The following SLC6A9 variants were observed in gnomAD, a reference collection of about 807,000 sequenced individuals.
SLC6A9 encodes the protein solute carrier family 6 member 9.
A neutral mutation model predicts 70.9 loss-of-function variants in SLC6A9; 31 were observed. The ratio of observed to expected loss-of-function variants is 0.44; its 90% CI spans 0.33 to 0.59. SLC6A9 has a LOEUF of 0.59. SLC6A9 is among the 20% of genes least tolerant of loss of function. The pLI, the probability that SLC6A9 is intolerant of heterozygous loss-of-function variation, is 0.04. For synonymous variants in SLC6A9, 310 were observed against 341.3 expected, an observed-to-expected ratio of 0.91 and a Z score of 1.01; for missense variants, 631 against 845.2, an observed-to-expected ratio of 0.75 and a Z score of 3.14.
At chr1:44,014,420 C>CA in intron 2 of SLC6A9, among the ~76,000 whole-genome samples, 1 of 151,892 alleles carries the variant, frequency 6.6e-6, no homozygotes, top group Non-Finnish European at 1.5e-5. Flanking sequence ...CCTTCCATGG[C>CA]GGGGTGGGGT....
In SLC6A9 at chr1:44,008,636, A is replaced by T; in HGVS notation, c.320-13T>A. 1 of 1,608,114 alleles carries T rather than the reference A, an allele frequency of 6.2e-7. No individual in the cohort carries two copies. The highest frequency in any genetic ancestry group is 8.5e-7 in the Non-Finnish European group (1 of 1,175,784). ...CCATAGCCCACTCCTGCAGGAGGGG[A>T]GGGGTGGGGGGAGGAGCCTCAGCAT... On this transcript the variant is annotated splice_polypyrimidine_tract_variant and intron_variant, in intron 4 of 13. Transcript: ENST00000372310.
intron 1 of SLC6A9, among the ~76,000 whole-genome samples, chr1:44,026,973 A>G (rs1223685893): frequency 6.6e-6 from 1 of 152,200 alleles, no homozygotes; most frequent in African/African-American, 2.4e-5. Flanking sequence ...GAGGGAAAAG[A>G]CTGCTTCATG....
In SLC6A9 at chr1:44,002,697, C is replaced by T. The variant is rs1186132721; in HGVS notation, c.724-51G>A. The T allele has an allele frequency of 6.8e-6, 11 of 1,609,200 alleles. No homozygotes were observed. The South Asian group carries it at 7.7e-5, about 11-fold the overall frequency. On this transcript the variant is annotated intron_variant, in intron 6 of 13. Transcript: ENST00000372310. The surrounding 1 kb of genome is among the most constrained non-coding windows in gnomAD (Gnocchi z 5.5). ...CTTCTGGGCTCTCCCCTCCCCTGGG[C>T]ACCACCACCCTGGCTCCCTAATCAC...
At position 44,002,333 on chromosome 1, in the gene SLC6A9, CTTG is replaced by C. The variant is rs752642344; in HGVS notation, c.939_941del (p.Asn313del). Reference sequence around the variant, plus strand: ...CTCACCGGTAACAGTTATTGTGGAACTTGTTGTAGGAAGCCATGGTGATGAGGC... The same window carrying C: ...CTCACCGGTAACAGTTATTGTGGAACTTGTAGGAAGCCATGGTGATGAGGC... On this transcript the variant is annotated inframe_deletion, in exon 8 of 14. Transcript: ENST00000372310. This position sits in a 1 kb window ranked among gnomAD's most constrained non-coding sequence, Gnocchi z 5.5. 6.2e-7 allele frequency: 1 copy of C among 1,613,654 alleles called. No homozygotes were observed. The highest frequency in any genetic ancestry group is 8.5e-7 in the Non-Finnish European group (1 of 1,179,570).
At position 43,997,605 on chromosome 1, in the gene SLC6A9, C is replaced by CT. The variant is rs2085914637; in HGVS notation, c.1841dup (p.Ala615GlyfsTer9). 2 of 1,613,874 alleles carry CT rather than the reference C, an allele frequency of 1.2e-6. No individual in the cohort carries two copies. The highest frequency in any genetic ancestry group is 1.7e-5 in the Admixed American group (1 of 59,998). On this transcript the variant is annotated frameshift_variant, in exon 14 of 14. Coordinates refer to ENST00000372310, the MANE Select transcript of SLC6A9 (RefSeq NM_001024845.3). LOFTEE classifies it high-confidence loss of function. This position sits in a 1 kb window ranked among gnomAD's most constrained non-coding sequence, Gnocchi z 4.4. ...TACTGCCCACAATGGGGATCTGCGC[C>CT]TTGTCCGGGTGCAGTGGCTGGACCT...
chr1:44,008,367 G>A lies in SLC6A9; in HGVS notation c.576C>T (p.Ser192=), dbSNP rs758754842. The A allele has an allele frequency of 8.1e-6, 13 of 1,613,956 alleles. No homozygotes were observed. The highest frequency in any genetic ancestry group is 3.3e-5 in the Admixed American group (2 of 60,010). ...AGGTGCCTCACCTCCAGTACTCCTC[G>A]CTGGGGCTGGTCCTCTGGAGGCTGT... is the stretch of plus-strand genomic sequence containing the variant. ...LNHSLQRTSP[S]EEYWRLYVLK... The change falls in exon 5 of 14, where the codon AGC becomes AGT. Residue 192 remains serine (S), a synonymous_variant. Coordinates refer to ENST00000372310, the MANE Select transcript of SLC6A9 (RefSeq NM_001024845.3).
intron 5 of SLC6A9, among the ~76,000 whole-genome samples, chr1:44,007,924 T>C (rs1291305027): frequency 1.3e-5 from 2 of 148,524 alleles, no homozygotes; most frequent in African/African-American, 5.0e-5. Context: ...GGAGTCTTGC[T>C]CTGTCGCCCA....
intron 2 of SLC6A9, among the ~76,000 whole-genome samples, chr1:44,021,167 C>T (rs913749819): frequency 5.9e-5 from 9 of 152,168 alleles, no homozygotes; most frequent in East Asian, 1.9e-4. Flanking sequence ...ACCTAGGTGG[C>T]CCTGCTCCGC....
chr1:44,002,797 G>A lies in SLC6A9; in HGVS notation c.723+56C>T. ...TCCCTGCAATACACACATAACCCAG[G>A]TAGGGGGCAGGGTCTTTCTGGGTGG... On this transcript the variant is annotated intron_variant, in intron 6 of 13. Coordinates refer to ENST00000372310, the MANE Select transcript of SLC6A9 (RefSeq NM_001024845.3). The surrounding 1 kb of genome is among the most constrained non-coding windows in gnomAD (Gnocchi z 5.5). 2 of 1,608,412 alleles carry A rather than the reference G, an allele frequency of 1.2e-6. No homozygotes were observed. The highest frequency in any genetic ancestry group is 8.5e-7 in the Non-Finnish European group (1 of 1,175,630).
intron 1 of SLC6A9, among the ~76,000 whole-genome samples, chr1:44,028,553 C>T (rs1048016110): frequency 4.6e-5 from 7 of 152,040 alleles, no homozygotes; most frequent in Non-Finnish European, 1.0e-4. Context: ...GTCAGGAGTC[C>T]GAGACCAGCC....
chr1:44,000,592 C>T (rs1029128536), intron 12 of SLC6A9, among the ~76,000 whole-genome samples, 175 bp downstream of exon 12: 33 of 152,238 alleles, frequency 2.2e-4, no homozygotes, highest in African/African-American at 6.8e-4. Context: ...AGCTCTGAGT[C>T]GCCACACGCC....
At chr1:44,021,662 C>G (rs1037035105) in intron 2 of SLC6A9, among the ~76,000 whole-genome samples, 1 of 152,382 alleles carries the variant, frequency 6.6e-6, no homozygotes, top group South Asian at 2.1e-4. Flanking sequence ...GGCTCACACA[C>G]ACGCCCCTTA....
rs1011547780 is a variant in SLC6A9 at position 44,010,280 on chromosome 1, G to A, written c.188-184C>T. 11 of 589,530 alleles carry A rather than the reference G, an allele frequency of 1.9e-5. No homozygotes were observed. The Admixed American group carries it at 3.4e-4, about 18-fold the overall frequency. 36.5% of individuals were successfully genotyped at this position (589,530 alleles called of 1,614,324 possible). On this transcript the variant is annotated intron_variant, in intron 3 of 13. Transcript: ENST00000372310. ...CCAGCCTGTCTTTCAACTTGACAGA[G>A]GCTCTCAGGAATTCTGCTTGGAGTG...
chr1:44,029,762 T>C (rs1028914978), intron 1 of SLC6A9, among the ~76,000 whole-genome samples: 2 of 152,184 alleles, frequency 1.3e-5, no homozygotes, highest in Admixed American at 6.5e-5. Flanking sequence ...AGTCGCCGCA[T>C]AGGCCAAGTA....
chr1:44,001,537 G>A lies in SLC6A9; in HGVS notation c.1053C>T (p.His351=). 6.2e-7 allele frequency: 1 copy of A among 1,614,252 alleles called. No individual in the cohort carries two copies. The highest frequency in any genetic ancestry group is 8.5e-7 in the Non-Finnish European group (1 of 1,180,036). Residue 351 remains histidine (H), a synonymous_variant, in exon 9 of 14, where the codon CAC becomes CAT. Coordinates refer to ENST00000372310, the MANE Select transcript of SLC6A9 (RefSeq NM_001024845.3). ...IFSILGFMAN[H]LGVDVSRVAD... ...CCACACGGGACACATCCACGCCCAG[G>A]TGATTGGCCATGAAGCCGAGGATGG... is the stretch of plus-strand genomic sequence containing the variant.
At chr1:44,015,894 C>T (rs2086724718) in intron 2 of SLC6A9, 1 of 985,186 alleles carries the variant, frequency 1.0e-6, no homozygotes. Flanking sequence ...CCCCAGTGGC[C>T]ATTCATGCCT....
At chr1:44,012,592 TG>T (rs2086609945) in intron 2 of SLC6A9, among the ~76,000 whole-genome samples, 1 of 152,186 alleles carries the variant, frequency 6.6e-6, no homozygotes, top group African/African-American at 2.4e-5. Context: ...TGCCAGGAAG[TG>T]GGACTTCAGC....
chr1:44,024,054 G>A (rs2086936403), intron 2 of SLC6A9, among the ~76,000 whole-genome samples, 194 bp downstream of exon 2: 1 of 152,168 alleles, frequency 6.6e-6, no homozygotes, highest in Non-Finnish European at 1.5e-5. Flanking sequence ...AGGTCTTTGC[G>A]GGCTCTGCGG....
chr1:44,002,729 C>A lies in SLC6A9; in HGVS notation c.724-83G>T. On this transcript the variant is annotated intron_variant, in intron 6 of 13. Transcript: ENST00000372310. The surrounding 1 kb of genome is among the most constrained non-coding windows in gnomAD (Gnocchi z 5.5). ...ACCCTGGCTCCCTAATCACCACCAG[C>A]CCCCTGGTCCCTCTCCGGCTCCGGA... 1 of 1,590,112 alleles carries A rather than the reference C, an allele frequency of 6.3e-7. No individual in the cohort carries two copies. The highest frequency in any genetic ancestry group is 1.1e-5 in the South Asian group (1 of 90,268).
Sources: gnomAD v4.1 joint callset for allele counts (sites outside exome capture counted in the v4.1 genomes callset) on GRCh38, gnomAD v4.1.1 for gene constraint, Gnocchi (gnomAD v3.1) non-coding constraint, MANE v1.5 for transcripts, NCBI Gene and HGNC (gene_info 2026-07-23, HGNC 2026-07-21) for gene names.